Variants in SPATA17 observed in about 807,000 individuals in gnomAD.
SPATA17 encodes spermatogenesis associated 17.
SPATA17 carries 53 observed loss-of-function variants against 62.2 expected under a neutral mutation model. The observed-to-expected ratio is 0.85, with a 90% CI of 0.68 to 1.07. The LOEUF (loss-of-function observed/expected upper bound fraction) is 1.07. Ranked by LOEUF, SPATA17 falls within the 50% of genes least tolerant of loss-of-function variation. SPATA17 has a pLI of 0.00. For synonymous variants in SPATA17, 146 were observed against 146.8 expected (o/e 0.99, Z 0.04); for missense variants, 466 against 425.5 (o/e 1.10, Z -0.84).
At chr1:217,786,750 TTTCTTCTTCTTCTTCTTCTTCTTC>T (rs35648538) in intron 8 of SPATA17, among the ~76,000 whole-genome samples, 1 of 107,436 alleles carries the variant, frequency 9.3e-6, no homozygotes, top group African/African-American at 3.6e-5. Context: ...TGATATTCTC[TTTCTTCTTCTTCTTCTTCTTCTTC>T]TTCTTCTTCT....
intron 9 of SPATA17, among the ~76,000 whole-genome samples, chr1:217,845,624 T>C (rs551789348): frequency 1.3e-5 from 2 of 152,160 alleles, no homozygotes; most frequent in South Asian, 4.2e-4. Context: ...CCCTGAACTT[T>C]CTTGAAGAGA....
intron 5 of SPATA17, among the ~76,000 whole-genome samples, chr1:217,724,205 A>G (rs1295084723): frequency 1.3e-5 from 2 of 152,236 alleles, no homozygotes; most frequent in Non-Finnish European, 2.9e-5. Context: ...TTAATATATC[A>G]TTAATCTGCA....
At chr1:217,803,995 G>A (rs549128706) in intron 9 of SPATA17, among the ~76,000 whole-genome samples, 1 of 151,740 alleles carries the variant, frequency 6.6e-6, no homozygotes, top group African/African-American at 2.4e-5. Context: ...TCCAGCCTGG[G>A]TAAAACAGTA....
chr1:217,822,367 A>G (rs940456391), intron 9 of SPATA17, among the ~76,000 whole-genome samples: 3 of 150,214 alleles, frequency 2.0e-5, no homozygotes, highest in Non-Finnish European at 4.4e-5. Flanking sequence ...TCTAAAAGAC[A>G]TGTTTTTTTA....
At chr1:217,651,423 C>T (rs535380027) in intron 3 of SPATA17, among the ~76,000 whole-genome samples, 2 of 152,268 alleles carry the variant, frequency 1.3e-5, no homozygotes, top group Middle Eastern at 3.4e-3. Context: ...AAGTACTTTT[C>T]ACAGTATGCA....
At chr1:217,810,257 T>C (rs1346443112) in intron 9 of SPATA17, among the ~76,000 whole-genome samples, 2 of 152,186 alleles carry the variant, frequency 1.3e-5, no homozygotes, top group Non-Finnish European at 2.9e-5. Flanking sequence ...TTTTTTATTT[T>C]AGAGGAATAA....
intron 9 of SPATA17, among the ~76,000 whole-genome samples, chr1:217,819,729 T>G (rs1674814156): frequency 6.6e-6 from 1 of 152,074 alleles, no homozygotes; most frequent in Non-Finnish European, 1.5e-5. Context: ...GAGATTTCTA[T>G]TCTTTATTTC....
intron 5 of SPATA17, among the ~76,000 whole-genome samples, chr1:217,721,208 A>G (rs1203681390): frequency 1.3e-5 from 2 of 152,214 alleles, no homozygotes; most frequent in Non-Finnish European, 2.9e-5. Flanking sequence ...TTGGCTTAAT[A>G]CAGTAATTAA....
At chr1:217,669,938 AC>A (rs1480286950) in intron 4 of SPATA17, among the ~76,000 whole-genome samples, 2 of 151,890 alleles carry the variant, frequency 1.3e-5, no homozygotes, top group Admixed American at 6.6e-5. Flanking sequence ...TAGCCAGCTC[AC>A]TCTAGTATTT....
chr1:217,644,718 T>C (rs2102879576), intron 1 of SPATA17, among the ~76,000 whole-genome samples: 1 of 152,242 alleles, frequency 6.6e-6, no homozygotes, highest in East Asian at 1.9e-4. Context: ...AGGGTTATAG[T>C]ACTTATTTCT....
intron 1 of SPATA17, among the ~76,000 whole-genome samples, chr1:217,634,685 AG>A (rs200802790): frequency 6.6e-6 from 1 of 152,172 alleles, no homozygotes; most frequent in African/African-American, 2.4e-5. Context: ...CCAGGCAAGA[AG>A]GGGGTTTGCC....
At chr1:217,749,841 A>G (rs971988650) in intron 6 of SPATA17, among the ~76,000 whole-genome samples, 1 of 149,034 alleles carries the variant, frequency 6.7e-6, no homozygotes, top group African/African-American at 2.5e-5. Context: ...ATTCTTTACA[A>G]TCTGACTTCA....
chr1:217,850,714 A>G lies in SPATA17; in HGVS notation c.1006-12060A>G, dbSNP rs1485066958. 8 of 1,095,232 alleles carry G rather than the reference A, an allele frequency of 7.3e-6. No individual in the cohort carries two copies. In the Admixed American group the frequency reaches 1.8e-4, roughly 24 times the overall value. 67.8% of individuals were successfully genotyped at this position (1,095,232 alleles called of 1,614,324 possible). On this transcript the variant is annotated intron_variant, in intron 9 of 10. Transcript: ENST00000366933. ...AGGAACACCTCCACACGCTCACCCG[A>G]CAAAGCCATTCACCCCTCCAGAATA... is the stretch of plus-strand genomic sequence containing the variant.
chr1:217,839,064 C>G (rs1304717242), intron 9 of SPATA17, among the ~76,000 whole-genome samples: 1 of 151,982 alleles, frequency 6.6e-6, no homozygotes, highest in African/African-American at 2.4e-5. Flanking sequence ...CAAAAACACC[C>G]TGGATATTAA....
rs181530289 is a variant in SPATA17 at position 217,822,898 on chromosome 1, A to G, written c.1005+21048A>G. On this transcript the variant is annotated intron_variant, in intron 9 of 10. Transcript: ENST00000366933. ...CTTTTAATTCCCTTTTTCTTTAAAT[A>G]TATGATGTTATATATTCACTGTCAA... 4.1e-3 allele frequency among the ~76,000 whole-genome samples: 617 copies of G among 151,792 alleles called. 15 individuals carry two copies. Among genetic ancestry groups the G allele is most frequent in the Admixed American group, 0.038 (570 of 15,178 alleles).
intron 9 of SPATA17, among the ~76,000 whole-genome samples, chr1:217,852,033 C>T (rs1278495938): frequency 6.6e-6 from 1 of 151,984 alleles, no homozygotes; most frequent in Non-Finnish European, 1.5e-5. Flanking sequence ...TAATAAATCC[C>T]ATCAAAAAAC....
chr1:217,782,848 G>T (rs1673763191), intron 8 of SPATA17, among the ~76,000 whole-genome samples: 1 of 151,710 alleles, frequency 6.6e-6, no homozygotes, highest in African/African-American at 2.4e-5. Context: ...ATGGATTTGG[G>T]TCTTAATTCA....
At chr1:217,726,643 C>T (rs1672263669) in intron 5 of SPATA17, among the ~76,000 whole-genome samples, 1 of 151,818 alleles carries the variant, frequency 6.6e-6, no homozygotes, top group African/African-American at 2.4e-5. Context: ...AGTTATTCTC[C>T]TGAGTTTATG....
chr1:217,870,432 A>AACTG lies in SPATA17; in HGVS notation c.*3414_*3417dup, dbSNP rs1318432593. 6.6e-6 allele frequency: 1 copy of AACTG among 152,188 alleles called. No homozygotes were observed. The highest frequency in any genetic ancestry group is 1.5e-5 in the Non-Finnish European group (1 of 68,038). The allele number at this position is 152,188 out of a possible 1,614,324, so 9.4% of individuals were successfully genotyped here. A position where few individuals can be genotyped will look rare whatever the true frequency, so the allele number is the denominator to read the frequency against. The stretch of plus-strand genomic sequence containing the variant: ...CTACAGAGGTGTCCAGATGAGTAAA[A>AACTG]ACTGCCTTTGCATTAAGGTGAGAGA... On this transcript the variant is annotated 3_prime_UTR_variant, in exon 11 of 11. Coordinates refer to ENST00000366933, the MANE Select transcript of SPATA17 (RefSeq NM_138796.4).
Sources: allele counts gnomAD v4.1 joint callset (sites outside exome capture counted in the v4.1 genomes callset), GRCh38; gene constraint gnomAD v4.1.1; transcripts MANE v1.5; gene names NCBI Gene and HGNC (gene_info 2026-07-23, HGNC 2026-07-21).